The following ROBO2 variants were observed in gnomAD, a reference collection of about 807,000 sequenced individuals.
ROBO2 encodes the protein roundabout homolog 2.
ROBO2 carries 53 observed loss-of-function variants against 160.8 expected under a neutral mutation model. The observed-to-expected ratio is 0.33, with a 90% CI of 0.26 to 0.41. The LOEUF (loss-of-function observed/expected upper bound fraction) is 0.41, where lower values mean the gene tolerates loss of function less well. ROBO2 is among the 10% of genes least tolerant of loss of function. The pLI is 1.00. For missense variants in ROBO2, 1,577 were observed against 1,722.4 expected (o/e 0.92, Z 1.49); for synonymous variants, 664 against 611.7 (o/e 1.09, Z -1.26).
chr3:76,749,691 C>T (rs3884007), intron 2 of ROBO2, among the ~76,000 whole-genome samples: 100,065 of 151,966 alleles, frequency 0.66, 33,211 homozygotes, highest in African/African-American at 0.75. Context: ...GGCCAAAATA[C>T]GTGCCATGGA....
chr3:76,396,009 G>C (rs998156195), intron 2 of ROBO2, among the ~76,000 whole-genome samples: 1 of 152,076 alleles, frequency 6.6e-6, no homozygotes, highest in Non-Finnish European at 1.5e-5. Flanking sequence ...GCCGGGCAGA[G>C]ACACAACTAA....
At chr3:76,621,182 T>C (rs2109254372) in intron 2 of ROBO2, among the ~76,000 whole-genome samples, 1 of 152,250 alleles carries the variant, frequency 6.6e-6, no homozygotes, top group East Asian at 1.9e-4. Flanking sequence ...ATTTATTCTT[T>C]ATTAAATGGT....
chr3:76,375,573 A>T (rs1485325324), intron 2 of ROBO2, among the ~76,000 whole-genome samples: 2 of 152,050 alleles, frequency 1.3e-5, no homozygotes, highest in African/African-American at 4.8e-5. Context: ...AATATGAAGT[A>T]GAAATGAATA....
intron 2 of ROBO2, among the ~76,000 whole-genome samples, chr3:76,952,346 G>C (rs1446264836): frequency 2.6e-5 from 4 of 151,858 alleles, no homozygotes; most frequent in Non-Finnish European, 5.9e-5. Context: ...GCAATGGCAC[G>C]ATCTTGGCTC....
intron 2 of ROBO2, among the ~76,000 whole-genome samples, chr3:77,422,737 A>C (rs1196971226): frequency 1.3e-5 from 2 of 152,204 alleles, no homozygotes; most frequent in Non-Finnish European, 2.9e-5. Context: ...GGACACTCAC[A>C]GTGATTTGCA....
In ROBO2 at chr3:77,342,114, T is replaced by C. The variant is rs76473904; in HGVS notation, c.389-135300T>C. On this transcript the variant is annotated intron_variant, in intron 2 of 25. Transcript: ENST00000461745. ...GAAAAAGGCAAACATACTATAGATA[T>C]TCTAGTATGGTACAATTATACAGTA... Among the ~76,000 whole-genome samples, 1,046 of 152,250 alleles carry C rather than the reference T, an allele frequency of 6.9e-3. 15 individuals carry two copies. The highest frequency in any genetic ancestry group is 0.024 in the African/African-American group (985 of 41,548).
intron 9 of ROBO2, among the ~76,000 whole-genome samples, chr3:77,561,213 G>C (rs1271801617): frequency 2.6e-5 from 4 of 152,138 alleles, no homozygotes; most frequent in African/African-American, 9.7e-5. Context: ...GAGAAAGCTT[G>C]AGTCATCAAC....
intron 2 of ROBO2, among the ~76,000 whole-genome samples, chr3:76,945,044 A>G (rs190181382): frequency 0.013 from 1,908 of 151,056 alleles, 22 homozygotes; most frequent in Middle Eastern, 0.027. Context: ...GCCCGCCACC[A>G]CGCCCGGCTA....
chr3:77,536,260 C>T (rs2153638701), intron 6 of ROBO2, among the ~76,000 whole-genome samples: 1 of 152,282 alleles, frequency 6.6e-6, no homozygotes, highest in Admixed American at 6.5e-5. Context: ...TGCCTTAAAG[C>T]AGTCTGCAAA....
chr3:76,708,765 GA>G (rs2093225118), intron 2 of ROBO2, among the ~76,000 whole-genome samples: 1 of 152,212 alleles, frequency 6.6e-6, no homozygotes, highest in Admixed American at 6.5e-5. Context: ...GAACCAGAAT[GA>G]ATGGATGAAG....
At chr3:77,477,684 T>A (rs953994961) in intron 3 of ROBO2, 113 bp downstream of exon 3, 1 of 1,076,418 alleles carries the variant, frequency 9.3e-7, no homozygotes, top group Non-Finnish European at 1.4e-6. Flanking sequence ...GAATGTTAAT[T>A]ACAATTTATA....
At chr3:76,622,250 GAAAGAAAGAAAGAAAGAA>G (rs1560252410) in intron 2 of ROBO2, among the ~76,000 whole-genome samples, 1 of 54,476 alleles carries the variant, frequency 1.8e-5, no homozygotes, top group Admixed American at 1.8e-4. Flanking sequence ...AAGAAAGAAA[GAAAGAAAGAAAGAAAGAA>G]AGAAAGAAAG....
intron 2 of ROBO2, among the ~76,000 whole-genome samples, chr3:76,885,001 A>G (rs950861954): frequency 1.3e-5 from 2 of 152,052 alleles, no homozygotes; most frequent in African/African-American, 4.8e-5. Flanking sequence ...ACCTGATTCA[A>G]CTCGATTAAA....
At chr3:77,576,956 C>T (rs938358422) in intron 14 of ROBO2, among the ~76,000 whole-genome samples, 4 of 152,050 alleles carry the variant, frequency 2.6e-5, no homozygotes, top group African/African-American at 9.7e-5. Flanking sequence ...ATAATGCCAC[C>T]GTTCAGAAAT....
chr3:76,539,585 G>T (rs76407559), intron 2 of ROBO2, among the ~76,000 whole-genome samples: 3,439 of 151,984 alleles, frequency 0.023, 127 homozygotes, highest in African/African-American at 0.076. Flanking sequence ...AATTACCTGG[G>T]TTTGTTCCAT....
intron 2 of ROBO2, among the ~76,000 whole-genome samples, chr3:76,860,017 A>G (rs1046642674): frequency 6.6e-6 from 1 of 152,228 alleles, no homozygotes; most frequent in African/African-American, 2.4e-5. Context: ...TTTCAAAATC[A>G]TTACCTACCT....
chr3:77,403,261 G>T (rs1335400848), intron 2 of ROBO2, among the ~76,000 whole-genome samples: 2 of 152,160 alleles, frequency 1.3e-5, no homozygotes, highest in Non-Finnish European at 2.9e-5. Flanking sequence ...CGATGTTCAA[G>T]TGTACAATAC....
chr3:76,524,240 A>C (rs1331841102), intron 2 of ROBO2, among the ~76,000 whole-genome samples: 1 of 152,062 alleles, frequency 6.6e-6, no homozygotes, highest in African/African-American at 2.4e-5. Context: ...TTATAAAAAT[A>C]GAGTGCACAA....
chr3:77,239,512 G>C (rs774822035), intron 2 of ROBO2, among the ~76,000 whole-genome samples: 1 of 152,316 alleles, frequency 6.6e-6, no homozygotes, highest in African/African-American at 2.4e-5. Flanking sequence ...AGGGACCCCA[G>C]CGCCTTCCCA....
Sources: gnomAD v4.1 joint callset for allele counts (sites outside exome capture counted in the v4.1 genomes callset) on GRCh38, gnomAD v4.1.1 for gene constraint, MANE v1.5 for transcripts, NCBI Gene and HGNC (gene_info 2026-07-23, HGNC 2026-07-21) for gene names.